The following ANXA10 variants were observed in gnomAD, a reference collection of about 807,000 sequenced individuals.
ANXA10 encodes the protein annexin A10, also known as annexin 14.
ANXA10 carries 49 observed loss-of-function variants against 53.5 expected under a neutral mutation model. That is an observed-to-expected ratio of 0.92 (90% CI 0.73 to 1.16). The LOEUF (loss-of-function observed/expected upper bound fraction) is 1.16. Ranked by LOEUF, ANXA10 falls within the 50% of genes most tolerant of loss-of-function variation. ANXA10 has a pLI of 0.00. For synonymous variants in ANXA10, 131 were observed against 128.9 expected (o/e 1.02, Z -0.11); for missense variants, 393 against 394.4 (o/e 1.00, Z 0.03).
At chr4:168,102,199 TATAA>T (rs1730651614) in intron 1 of ANXA10, among the ~76,000 whole-genome samples, 3 of 152,190 alleles carry the variant, frequency 2.0e-5, no homozygotes, top group Admixed American at 1.3e-4. Flanking sequence ...TTATTTGTTA[TATAA>T]ATAGATAAAT....
chr4:168,151,374 G>T (rs761303876), intron 3 of ANXA10, among the ~76,000 whole-genome samples: 2 of 152,130 alleles, frequency 1.3e-5, no homozygotes, highest in Non-Finnish European at 2.9e-5. Flanking sequence ...ATAAAGGTAA[G>T]ACGAATAAGA....
At chr4:168,111,675 G>C (rs919098247) in intron 1 of ANXA10, among the ~76,000 whole-genome samples, 1 of 152,098 alleles carries the variant, frequency 6.6e-6, no homozygotes, top group Non-Finnish European at 1.5e-5. Context: ...ATAAGATAAA[G>C]AATATGGAGG....
intron 1 of ANXA10, among the ~76,000 whole-genome samples, chr4:168,101,878 T>C (rs1481616512): frequency 6.6e-6 from 1 of 152,138 alleles, no homozygotes; most frequent in Non-Finnish European, 1.5e-5. Context: ...CTACCATCTA[T>C]CTTCATACTA....
chr4:168,164,171 C>T lies in ANXA10; in HGVS notation c.310-27C>T, dbSNP rs752917437. 13 of 1,495,890 alleles carry T rather than the reference C, an allele frequency of 8.7e-6. No individual in the cohort carries two copies. The South Asian group carries it at 1.4e-4, about 16-fold the overall frequency. The allele number at this position is 1,495,890 out of a possible 1,614,324, so 92.7% of individuals were successfully genotyped here. A position where few individuals can be genotyped will look rare whatever the true frequency, so the allele number is the denominator to read the frequency against. On this transcript the variant is annotated intron_variant, in intron 4 of 11. Transcript: ENST00000359299. ...ATTACTTCCAATAAAAATATCCTTA[C>T]ATTTATCTCTTTTTTCCTTTCTCTA...
intron 11 of ANXA10, among the ~76,000 whole-genome samples, chr4:168,187,084 G>C (rs976932588): frequency 6.6e-6 from 1 of 151,990 alleles, no homozygotes; most frequent in Non-Finnish European, 1.5e-5. Flanking sequence ...CTAAAGTTGA[G>C]GAGAATATTT....
rs181191891 is a variant in ANXA10 at position 168,146,028 on chromosome 4, C to T, written c.195+6448C>T. On this transcript the variant is annotated intron_variant, in intron 3 of 11. Transcript: ENST00000359299. The stretch of plus-strand genomic sequence containing the variant: ...AACTCTACCTCCCAGGTTCAAGCAG[C>T]CTCCTGAGTAGCTGGGATTACAGGT... 1.6e-3 allele frequency among the ~76,000 whole-genome samples: 250 copies of T among 152,154 alleles called. 4 individuals carry two copies. The highest frequency in any genetic ancestry group is 3.2e-4 in the Non-Finnish European group (22 of 67,990).
intron 2 of ANXA10, among the ~76,000 whole-genome samples, chr4:168,136,417 C>T (rs1484957076): frequency 6.6e-6 from 1 of 152,180 alleles, no homozygotes; most frequent in Non-Finnish European, 1.5e-5. Flanking sequence ...AAGTTAGTTA[C>T]TTCCAATGTA....
chr4:168,125,659 G>C (rs1346178391), intron 1 of ANXA10, among the ~76,000 whole-genome samples: 2 of 152,066 alleles, frequency 1.3e-5, no homozygotes, highest in Admixed American at 6.6e-5. Context: ...TCAACTTCAC[G>C]TGCAAAACAA....
chr4:168,165,708 G>T (rs2251452), intron 6 of ANXA10, among the ~76,000 whole-genome samples: 89,284 of 151,672 alleles, frequency 0.59, 27,161 homozygotes, highest in African/African-American at 0.71. Flanking sequence ...AGACAGTCTC[G>T]CTCTATCACC....
intron 3 of ANXA10, among the ~76,000 whole-genome samples, chr4:168,148,756 A>T (rs1731446970): frequency 6.6e-6 from 1 of 151,144 alleles, no homozygotes; most frequent in African/African-American, 2.4e-5. Flanking sequence ...TATGTTTCTG[A>T]TTTCGATGTG....
At chr4:168,187,069 T>A (rs17053742) in intron 11 of ANXA10, among the ~76,000 whole-genome samples, 37,559 of 151,890 alleles carry the variant, frequency 0.25, 4,983 homozygotes, top group African/African-American at 0.3. Flanking sequence ...TTAGGGTACA[T>A]CTTCCTAAAG....
intron 6 of ANXA10, among the ~76,000 whole-genome samples, chr4:168,167,690 T>C (rs1458127246): frequency 2.6e-5 from 4 of 152,208 alleles, no homozygotes; most frequent in Non-Finnish European, 5.9e-5. Context: ...GTGATCTACT[T>C]GCTTTTGGTT....
intron 10 of ANXA10, among the ~76,000 whole-genome samples, chr4:168,182,521 GACGGGGTTTC>G (rs1227874971): frequency 6.7e-6 from 1 of 148,776 alleles, no homozygotes; most frequent in Non-Finnish European, 1.5e-5. Flanking sequence ...TTTTAGTAGA[GACGGGGTTTC>G]ACTGTGTTAC....
At chr4:168,134,916 C>T (rs1731212982) in intron 2 of ANXA10, among the ~76,000 whole-genome samples, 1 of 152,210 alleles carries the variant, frequency 6.6e-6, no homozygotes, top group Non-Finnish European at 1.5e-5. Flanking sequence ...TATTCATAGC[C>T]TTCCTGTGAT....
chr4:168,135,977 A>T (rs958397625), intron 2 of ANXA10, among the ~76,000 whole-genome samples: 2 of 152,128 alleles, frequency 1.3e-5, no homozygotes, highest in Non-Finnish European at 2.9e-5. Context: ...GGAAACTTAC[A>T]ATCATGGCAG....
chr4:168,174,524 C>T (rs1286775428), intron 6 of ANXA10, among the ~76,000 whole-genome samples: 1 of 152,184 alleles, frequency 6.6e-6, no homozygotes, highest in African/African-American at 2.4e-5. Context: ...GGCCAGGTGG[C>T]AAGGCAAATG....
rs143681149 is a variant in ANXA10, at chr4:168,117,457, C to G, written c.19-10627C>G. On this transcript the variant is annotated intron_variant, in intron 1 of 11. Coordinates refer to ENST00000359299, the MANE Select transcript of ANXA10 (RefSeq NM_007193.5). Reference sequence around the variant, plus strand: ...CACATCACTTCATGGTTTCTTATAACACTCTTTGCATTACCAGCTGCATAT... The same window carrying G: ...CACATCACTTCATGGTTTCTTATAAGACTCTTTGCATTACCAGCTGCATAT... Among the ~76,000 whole-genome samples the G allele has an allele frequency of 2.6e-4, 40 of 152,276 alleles. No homozygotes were observed. In the East Asian group the frequency reaches 7.3e-3, roughly 28 times the overall value.
At chr4:168,177,617 C>T in intron 6 of ANXA10, 123 bp from the exon 7 acceptor site, 1 of 885,432 alleles carries the variant, frequency 1.1e-6, no homozygotes, top group Non-Finnish European at 1.8e-6. Context: ...AACACTTACT[C>T]CAGATAATAA....
intron 6 of ANXA10, among the ~76,000 whole-genome samples, chr4:168,169,764 T>A (rs1731948246): frequency 6.6e-6 from 1 of 152,222 alleles, no homozygotes; most frequent in Non-Finnish European, 1.5e-5. Flanking sequence ...CCCCATTTGG[T>A]TCCACTCCAA....
Sources: gnomAD v4.1 joint callset for allele counts (sites outside exome capture counted in the v4.1 genomes callset) on GRCh38, gnomAD v4.1.1 for gene constraint, MANE v1.5 for transcripts, NCBI Gene and HGNC (gene_info 2026-07-23, HGNC 2026-07-21) for gene names.